MIA2: variants seen among roughly 807,000 people sequenced by gnomAD.
MIA2 encodes the protein MIA SH3 domain ER export factor 2, also known as melanoma inhibitory activity protein 2.
A neutral mutation model predicts 167.8 loss-of-function variants in MIA2; 127 were observed. The ratio of observed to expected loss-of-function variants is 0.76; its 90% CI spans 0.66 to 0.88. MIA2 has a LOEUF of 0.88. Among genes scored for constraint, MIA2 ranks in the 40% least tolerant of loss-of-function variants. The probability of loss-of-function intolerance (pLI) is 0.00; values close to 1 mark genes in which losing one functional copy is unlikely to be tolerated. For synonymous variants in MIA2, 552 were observed against 541.9 expected (o/e 1.02, Z -0.26); for missense variants, 1,690 against 1,624.7 (o/e 1.04, Z -0.69).
chr14:39,252,075 G>A (rs201379673), intron 4 of MIA2, among the ~76,000 whole-genome samples: 2 of 144,062 alleles, frequency 1.4e-5, no homozygotes, highest in East Asian at 1.9e-4. Flanking sequence ...AAAAAGGCAC[G>A]TTAGAGAATA....
Position 39,350,138 on chromosome 14 carries a change from TC to T in MIA2, c.4118del (p.Pro1373GlnfsTer22). ...YPPRGFPPYL[P>X]PRPGFFPPPP... ...CACCGAGGGGTTTTCCTCCTTACCTTCCCCCAAGACCTGGATTTTTCCCCCC... is the reference window on the plus strand; with the variant it reads ...CACCGAGGGGTTTTCCTCCTTACCTTCCCCAAGACCTGGATTTTTCCCCCC... On this transcript the variant is annotated frameshift_variant, in exon 29 of 29. Transcript: ENST00000640607. LOFTEE classifies it high-confidence loss of function. The T allele has an allele frequency of 2.9e-6, 4 of 1,375,210 alleles. No individual in the cohort carries two copies. The highest frequency in any genetic ancestry group is 4.0e-6 in the Non-Finnish European group (4 of 1,006,124). The allele number at this position is 1,375,210 out of a possible 1,614,324, so 85.2% of individuals were successfully genotyped here.
intron 24 of MIA2, among the ~76,000 whole-genome samples, chr14:39,325,075 TAAC>T (rs1342855069): frequency 6.6e-6 from 1 of 152,052 alleles, no homozygotes; most frequent in Admixed American, 6.5e-5. Flanking sequence ...ATACAACAAT[TAAC>T]AAAGCGTGGT....
chr14:39,303,121 G>T (rs929303464), intron 15 of MIA2, among the ~76,000 whole-genome samples: 8 of 151,972 alleles, frequency 5.3e-5, no homozygotes, highest in African/African-American at 1.9e-4. Flanking sequence ...ACTCATGCTT[G>T]TTTAATGTTA....
At chr14:39,365,157 C>G (rs1254360010) in intron 23 of MIA2, among the ~76,000 whole-genome samples, 1 of 152,032 alleles carries the variant, frequency 6.6e-6, no homozygotes, top group Non-Finnish European at 1.5e-5. Context: ...CTTCCACCTC[C>G]CAAGTTCAAG....
Position 39,295,001 on chromosome 14 carries a change from AT to A in MIA2, c.2470del (p.Ser824LeufsTer21). On this transcript the variant is annotated frameshift_variant, in exon 13 of 29. Coordinates refer to ENST00000640607, the MANE Select transcript of MIA2 (RefSeq NM_001329214.4). LOFTEE classifies it high-confidence loss of function. ...KIAIKDALNE[N>X]SQLQESQKQL... Reference sequence around the variant, plus strand: ...GCAATAAAAGATGCTTTGAATGAAAATTCTCAACTTCAGGAAAGCCAGAAAC... The same window carrying A: ...GCAATAAAAGATGCTTTGAATGAAAATCTCAACTTCAGGAAAGCCAGAAAC... 6.2e-7 allele frequency: 1 copy of A among 1,613,422 alleles called. No homozygotes were observed.
At chr14:39,357,552 A>C (rs1383159713) in intron 23 of MIA2, among the ~76,000 whole-genome samples, 1 of 152,156 alleles carries the variant, frequency 6.6e-6, no homozygotes, top group Non-Finnish European at 1.5e-5. Context: ...GCCCATTTAC[A>C]TTTAAGGTTA....
intron 13 of MIA2, among the ~76,000 whole-genome samples, chr14:39,297,515 C>G (rs1412503869): frequency 1.3e-5 from 2 of 152,132 alleles, no homozygotes; most frequent in Non-Finnish European, 2.9e-5. Flanking sequence ...AGTCTTGCAA[C>G]TTAGGTAAAG....
At chr14:39,355,745 G>A (rs2139249874), downstream of MIA2, among the ~76,000 whole-genome samples, 2 of 152,274 alleles carry the variant, frequency 1.3e-5, no homozygotes, top group African/African-American at 4.8e-5. Flanking sequence ...CTAATTTATT[G>A]AGAGTTTTTG....
intron 14 of MIA2, among the ~76,000 whole-genome samples, chr14:39,301,413 T>C (rs903717908): frequency 6.6e-6 from 1 of 152,188 alleles, no homozygotes; most frequent in Admixed American, 6.5e-5. Flanking sequence ...TACTAAAGGC[T>C]TTGGGATTCT....
intron 25 of MIA2, among the ~76,000 whole-genome samples, chr14:39,328,423 C>G (rs1445429356): frequency 2.6e-5 from 4 of 152,244 alleles, no homozygotes; most frequent in African/African-American, 9.6e-5. Context: ...GTTGCCTGTT[C>G]ACTCTGATGG....
chr14:39,332,784 G>T (rs2069227116), intron 25 of MIA2, among the ~76,000 whole-genome samples: 1 of 151,986 alleles, frequency 6.6e-6, no homozygotes, highest in Admixed American at 6.6e-5. Context: ...GATGAACCAG[G>T]TACCTCAGTT....
At chr14:39,351,769 C>T (rs933424281), downstream of MIA2, among the ~76,000 whole-genome samples, 13 of 152,092 alleles carry the variant, frequency 8.5e-5, no homozygotes, top group African/African-American at 1.9e-4. Flanking sequence ...CCACATCTGG[C>T]GAATTTTTTT....
chr14:39,366,132 G>A (rs2074817580), intron 23 of MIA2, among the ~76,000 whole-genome samples: 1 of 152,212 alleles, frequency 6.6e-6, no homozygotes, highest in African/African-American at 2.4e-5. Context: ...CGCTTAGGCT[G>A]TAGTTGTTAG....
intron 25 of MIA2, among the ~76,000 whole-genome samples, chr14:39,331,355 A>G (rs1284724001): frequency 2.0e-5 from 3 of 152,174 alleles, no homozygotes; most frequent in Admixed American, 6.5e-5. Flanking sequence ...GTGTCTATGC[A>G]CATGAGATGG....
At chr14:39,250,991 C>A (rs1447210172) in intron 4 of MIA2, among the ~76,000 whole-genome samples, 2 of 151,836 alleles carry the variant, frequency 1.3e-5, no homozygotes, top group African/African-American at 4.8e-5. Context: ...AAAAAAGCAT[C>A]CTAAAAGAGA....
intron 4 of MIA2, among the ~76,000 whole-genome samples, chr14:39,251,346 T>A (rs2054564206): frequency 6.6e-6 from 1 of 151,914 alleles, no homozygotes; most frequent in South Asian, 2.1e-4. Context: ...ATATTAAAAA[T>A]TATTATTTTG....
chr14:39,287,800 A>G (rs1413126693), intron 9 of MIA2, among the ~76,000 whole-genome samples: 1 of 151,808 alleles, frequency 6.6e-6, no homozygotes, highest in Non-Finnish European at 1.5e-5. Context: ...TGACCTCATG[A>G]TCTGCCCGCC....
intron 12 of MIA2, among the ~76,000 whole-genome samples, chr14:39,294,635 A>G (rs2061173800): frequency 6.6e-6 from 1 of 152,148 alleles, no homozygotes; most frequent in African/African-American, 2.4e-5. Flanking sequence ...GTCCCCAGGA[A>G]GTTTAAATTT....
chr14:39,287,300 C>T (rs192803337), intron 9 of MIA2, among the ~76,000 whole-genome samples: 3 of 152,076 alleles, frequency 2.0e-5, no homozygotes, highest in Non-Finnish European at 4.4e-5. Context: ...TGGTCTCGAA[C>T]TTGGGCTCAA....
Sources: gnomAD v4.1 joint callset for allele counts (sites outside exome capture counted in the v4.1 genomes callset) on GRCh38, gnomAD v4.1.1 for gene constraint, MANE v1.5 for transcripts, NCBI Gene and HGNC (gene_info 2026-07-23, HGNC 2026-07-21) for gene names.